CALN1: variants seen among roughly 807,000 people sequenced by gnomAD.
CALN1 encodes calneuron 1, also known as calcium-binding protein 8.
A neutral mutation model predicts 30.6 loss-of-function variants in CALN1; 17 were observed. The observed-to-expected ratio is 0.56, with a 90% CI of 0.38 to 0.83. The LOEUF is 0.83. Among genes scored for constraint, CALN1 ranks in the 40% least tolerant of loss-of-function variants. The pLI, the probability that CALN1 is intolerant of heterozygous loss-of-function variation, is 0.00. For missense variants in CALN1, 291 were observed against 354.9 expected, an observed-to-expected ratio of 0.82 and a Z score of 1.45; for synonymous variants, 156 against 131.4, an observed-to-expected ratio of 1.19 and a Z score of -1.28.
chr7:72,274,364 C>T (rs1267972104), intron 3 of CALN1, among the ~76,000 whole-genome samples: 2 of 152,002 alleles, frequency 1.3e-5, no homozygotes, highest in Non-Finnish European at 2.9e-5. Flanking sequence ...AAAAATTAGT[C>T]AGGCGTGGTG....
intron 5 of CALN1, among the ~76,000 whole-genome samples, chr7:71,942,855 C>T (rs973910193): frequency 1.3e-5 from 2 of 152,164 alleles, no homozygotes; most frequent in African/African-American, 4.8e-5. Flanking sequence ...AAAGTCACCC[C>T]TCTCTGCCCA....
At chr7:71,974,417 CAA>C (rs1052896558) in intron 5 of CALN1, among the ~76,000 whole-genome samples, 6,165 of 53,948 alleles carry the variant, frequency 0.11, 39 homozygotes, top group Admixed American at 0.15. Flanking sequence ...GACTCCATCT[CAA>C]AAAAAAAAAA....
chr7:71,784,831 T>C lies in CALN1; in HGVS notation c.*2944A>G, dbSNP rs911909466. 2.5e-6 allele frequency: 1 copy of C among 398,670 alleles called. No individual in the cohort carries two copies. The highest frequency in any genetic ancestry group is 4.4e-6 in the Non-Finnish European group (1 of 226,138). 24.7% of individuals were successfully genotyped at this position (398,670 alleles called of 1,614,324 possible). A position where few individuals can be genotyped will look rare whatever the true frequency, so the allele number is the denominator to read the frequency against. On this transcript the variant is annotated 3_prime_UTR_variant, in exon 7 of 7. Transcript: ENST00000395275. ...GGGGCTACATGGCATCCCTTGGGCA[T>C]GGGAGACCAGGACCTTCTGGAATCT...
At chr7:72,056,096 A>G (rs1803241974) in intron 4 of CALN1, among the ~76,000 whole-genome samples, 1 of 152,220 alleles carries the variant, frequency 6.6e-6, no homozygotes, top group South Asian at 2.1e-4. Flanking sequence ...TAAAGCCTTT[A>G]AAAGAAAACA....
chr7:72,096,092 A>G (rs181684156), intron 4 of CALN1, among the ~76,000 whole-genome samples: 6 of 121,778 alleles, frequency 4.9e-5, no homozygotes, highest in East Asian at 2.6e-4. Flanking sequence ...TAGATAGATA[A>G]AGATAGATAG....
chr7:72,272,322 G>A (rs948516286), intron 3 of CALN1, among the ~76,000 whole-genome samples: 4 of 152,140 alleles, frequency 2.6e-5, no homozygotes, highest in Admixed American at 2.6e-4. Flanking sequence ...AGCACTTTGG[G>A]AGGTCGAGGC....
intron 4 of CALN1, among the ~76,000 whole-genome samples, chr7:72,051,736 G>A (rs901098046): frequency 2.6e-5 from 4 of 152,120 alleles, no homozygotes; most frequent in African/African-American, 4.8e-5. Context: ...CAGAACTTGA[G>A]TACAATTTAA....
chr7:72,083,449 T>C (rs1263668302), intron 4 of CALN1, among the ~76,000 whole-genome samples: 1 of 152,034 alleles, frequency 6.6e-6, no homozygotes, highest in Non-Finnish European at 1.5e-5. Context: ...CCAGGTGAGG[T>C]GGCATGTGCC....
intron 4 of CALN1, among the ~76,000 whole-genome samples, chr7:72,068,824 T>C (rs888183433): frequency 2.6e-5 from 4 of 152,146 alleles, no homozygotes; most frequent in Non-Finnish European, 4.4e-5. Flanking sequence ...GTTGGATTAA[T>C]AATACTCACT....
chr7:72,132,161 T>C (rs1254438050), intron 3 of CALN1, among the ~76,000 whole-genome samples: 1 of 152,216 alleles, frequency 6.6e-6, no homozygotes, highest in African/African-American at 2.4e-5. Context: ...AGTAAGCTCA[T>C]TATAAGTTGA....
At chr7:72,309,795 C>G (rs1585436607) in intron 2 of CALN1, among the ~76,000 whole-genome samples, 1 of 152,226 alleles carries the variant, frequency 6.6e-6, no homozygotes, top group Non-Finnish European at 1.5e-5. Flanking sequence ...ATTTAGTCAT[C>G]TCTCTACTCT....
intron 5 of CALN1, among the ~76,000 whole-genome samples, chr7:71,955,187 C>T (rs148178905): frequency 1.8e-4 from 28 of 152,134 alleles, no homozygotes; most frequent in African/African-American, 3.4e-4. Context: ...CCAAGCGAAA[C>T]GGAAAACCCC....
chr7:72,209,210 T>C (rs140733462), intron 3 of CALN1, among the ~76,000 whole-genome samples: 94 of 59,850 alleles, frequency 1.6e-3, no homozygotes, highest in South Asian at 3.5e-3. Flanking sequence ...CCTTCCCTCC[T>C]TCCTTCCCTC....
chr7:71,807,694 C>A (rs749341577), intron 6 of CALN1, among the ~76,000 whole-genome samples: 9 of 151,838 alleles, frequency 5.9e-5, no homozygotes, highest in Non-Finnish European at 1.2e-4. Flanking sequence ...AATCCCAGCA[C>A]TTTGGGATGC....
the CALN1 span, among the ~76,000 whole-genome samples, chr7:72,467,099 G>A: frequency 1.3e-5 from 2 of 152,084 alleles, no homozygotes; most frequent in Non-Finnish European, 2.9e-5. Context: ...AGGCCCTGCA[G>A]CAGGTCTAAG....
At chr7:72,463,981 G>A in the CALN1 span, among the ~76,000 whole-genome samples, 25 of 91,506 alleles carry the variant, frequency 2.7e-4, no homozygotes, top group African/African-American at 1.5e-3. Flanking sequence ...GGAAGGAAGG[G>A]AAGGAGGGAG....
intron 3 of CALN1, among the ~76,000 whole-genome samples, chr7:72,199,553 C>A (rs1199679535): frequency 6.6e-6 from 1 of 152,160 alleles, no homozygotes; most frequent in African/African-American, 2.4e-5. Flanking sequence ...GACCACATCT[C>A]TACAAACAAT....
chr7:72,355,316 A>C (rs542675992), intron 2 of CALN1, among the ~76,000 whole-genome samples: 1 of 151,872 alleles, frequency 6.6e-6, no homozygotes, highest in South Asian at 2.1e-4. Context: ...ACTTGAGGCC[A>C]GGAGTTCAAG....
At chr7:72,117,402 G>A (rs558496109) in intron 3 of CALN1, among the ~76,000 whole-genome samples, 17 of 152,222 alleles carry the variant, frequency 1.1e-4, no homozygotes, top group Middle Eastern at 3.4e-3. Context: ...ATGCTATACC[G>A]GTCAGGCTGG....
Sources: allele counts gnomAD v4.1 joint callset (sites outside exome capture counted in the v4.1 genomes callset), GRCh38; gene constraint gnomAD v4.1.1; transcripts MANE v1.5; gene names NCBI Gene and HGNC (gene_info 2026-07-23, HGNC 2026-07-21).